Variants in SLC26A8 observed in about 807,000 individuals in gnomAD.
SLC26A8 encodes the protein solute carrier family 26 member 8.
In SLC26A8, 70 loss-of-function variants were observed where a neutral mutation model predicts 105.0. That is an observed-to-expected ratio of 0.67 (90% CI 0.55 to 0.81). The LOEUF (loss-of-function observed/expected upper bound fraction) is 0.81, where lower values mean the gene tolerates loss of function less well. SLC26A8 is among the 40% of genes least tolerant of loss of function. SLC26A8 has a pLI of 0.00. For synonymous variants in SLC26A8, 415 were observed against 438.3 expected (o/e 0.95, Z 0.66); for missense variants, 998 against 1,181.8 (o/e 0.84, Z 2.28).
intron 10 of SLC26A8, among the ~76,000 whole-genome samples, chr6:35,973,851 G>C (rs1218146646): frequency 6.6e-6 from 1 of 152,224 alleles, no homozygotes; most frequent in African/African-American, 2.4e-5. Flanking sequence ...TTCTGCAGCA[G>C]AAGCTTGTCT....
At chr6:35,964,105 A>G (rs775332902) in intron 11 of SLC26A8, among the ~76,000 whole-genome samples, 3 of 152,182 alleles carry the variant, frequency 2.0e-5, no homozygotes, top group Non-Finnish European at 4.4e-5. Context: ...GCTACTCAGG[A>G]GACTGAGGTA....
chr6:35,945,143 C>G (rs1446533772), intron 19 of SLC26A8, among the ~76,000 whole-genome samples: 1 of 152,170 alleles, frequency 6.6e-6, no homozygotes, highest in Non-Finnish European at 1.5e-5. Flanking sequence ...AGCCACTGTG[C>G]CCAACCTTTA....
At chr6:36,015,785 G>A (rs1043229123) in intron 2 of SLC26A8, among the ~76,000 whole-genome samples, 1 of 151,980 alleles carries the variant, frequency 6.6e-6, no homozygotes, top group Non-Finnish European at 1.5e-5. Flanking sequence ...GCAGAATGCG[G>A]ACAAAGGAGA....
intron 3 of SLC26A8, among the ~76,000 whole-genome samples, chr6:36,001,330 G>A (rs931267522): frequency 1.2e-4 from 19 of 152,132 alleles, no homozygotes; most frequent in South Asian, 1.2e-3. Flanking sequence ...GGGTTTCACC[G>A]TGTTAGCCAG....
intron 7 of SLC26A8, among the ~76,000 whole-genome samples, chr6:35,982,982 A>G (rs1298058440): frequency 6.6e-6 from 1 of 152,220 alleles, no homozygotes; most frequent in African/African-American, 2.4e-5. Flanking sequence ...GCTTATAAAG[A>G]CTGCGTCAAT....
intron 2 of SLC26A8, among the ~76,000 whole-genome samples, chr6:36,017,950 AG>A (rs1762037788): frequency 6.6e-6 from 1 of 152,228 alleles, no homozygotes; most frequent in Non-Finnish European, 1.5e-5. Context: ...AGGAAAATGC[AG>A]AACAAAAGCA....
At chr6:35,962,034 T>C (rs1194093367) in intron 12 of SLC26A8, among the ~76,000 whole-genome samples, 1 of 152,146 alleles carries the variant, frequency 6.6e-6, no homozygotes, top group African/African-American at 2.4e-5. Flanking sequence ...GAGACCAGCC[T>C]GGTCAATATA....
chr6:35,983,487 T>TA (rs1773360576), intron 7 of SLC26A8, among the ~76,000 whole-genome samples: 8 of 152,168 alleles, frequency 5.3e-5, no homozygotes, highest in Admixed American at 4.6e-4. Flanking sequence ...ATTATCAGTA[T>TA]AGTCTACCTG....
At chr6:35,984,319 ATTTTT>A (rs59314649) in intron 7 of SLC26A8, among the ~76,000 whole-genome samples, 1,678 of 116,520 alleles carry the variant, frequency 0.014, 20 homozygotes, top group African/African-American at 0.046. Flanking sequence ...TCTTCTTCTT[ATTTTT>A]TTTTTTTTTT....
intron 10 of SLC26A8, among the ~76,000 whole-genome samples, chr6:35,973,328 A>G (rs924197236): frequency 6.6e-6 from 1 of 152,090 alleles, no homozygotes; most frequent in Non-Finnish European, 1.5e-5. Context: ...ACATAGCCCA[A>G]ATTTCTCTGT....
intron 3 of SLC26A8, among the ~76,000 whole-genome samples, chr6:36,009,353 AAACAACAACAACAAC>A (rs145874408): frequency 2.9e-4 from 43 of 149,368 alleles, no homozygotes; most frequent in Admixed American, 2.9e-3. Flanking sequence ...TGCCTCTCAA[AAACAACAACAACAAC>A]AACAACAACA....
In SLC26A8 at chr6:35,955,254, G is replaced by C; in HGVS notation, c.2130C>G (p.Ile710Met). Residue 710 changes from isoleucine (I) to methionine (M), a missense_variant, in exon 17 of 20, where the codon ATC (isoleucine) becomes ATG (methionine). Coordinates refer to ENST00000490799, the MANE Select transcript of SLC26A8 (RefSeq NM_052961.4). ...VAESQGRRSLIPYSDASLLPS... is the reference protein window; with the variant it reads ...VAESQGRRSLMPYSDASLLPS... ...GCAGTAGAGACGCATCTGAGTAAGGGATGAGTGATCTCCTCCCCTGGCTTT... is the reference window on the plus strand; with the variant it reads ...GCAGTAGAGACGCATCTGAGTAAGGCATGAGTGATCTCCTCCCCTGGCTTT... 6.2e-7 allele frequency: 1 copy of C among 1,614,212 alleles called. No individual in the cohort carries two copies. Among genetic ancestry groups the C allele is most frequent in the Non-Finnish European group, 8.5e-7 (1 of 1,180,036 alleles).
rs1173110720 is a variant in SLC26A8 at position 35,975,559 on chromosome 6, A to G, written c.1174-71T>C. The G allele has an allele frequency of 2.0e-5, 16 of 813,298 alleles. No homozygotes were observed. The South Asian group carries it at 2.3e-4, about 12-fold the overall frequency. The allele number at this position is 813,298 out of a possible 1,614,324, so 50.4% of individuals were successfully genotyped here. A position where few individuals can be genotyped will look rare whatever the true frequency, so the allele number is the denominator to read the frequency against. ...AATGCTGATTTTGAGTTGAAGGCAT[A>G]TGGTTTTTTTTTTTTATATGAAGAT... On this transcript the variant is annotated intron_variant, in intron 9 of 19. Transcript: ENST00000490799.
intron 3 of SLC26A8, among the ~76,000 whole-genome samples, chr6:36,009,504 T>C (rs1761789999): frequency 6.6e-6 from 1 of 152,142 alleles, no homozygotes; most frequent in African/African-American, 2.4e-5. Context: ...CCATGGACTA[T>C]TACTCAAAAA....
intron 19 of SLC26A8, 114 bp downstream of exon 19, chr6:35,951,049 T>G: frequency 9.6e-7 from 1 of 1,041,894 alleles, no homozygotes. Flanking sequence ...TTCCTGGACA[T>G]TATTCCTCTA....
intron 3 of SLC26A8, among the ~76,000 whole-genome samples, chr6:36,011,630 C>T (rs553324501): frequency 2.8e-3 from 419 of 152,116 alleles, no homozygotes; most frequent in African/African-American, 8.9e-3. Flanking sequence ...TTTTCTGAGA[C>T]AGGGTCTTGC....
chr6:36,004,814 AGTT>A (rs1761637997), intron 3 of SLC26A8, among the ~76,000 whole-genome samples: 1 of 143,130 alleles, frequency 7.0e-6, no homozygotes, highest in Non-Finnish European at 1.5e-5. Context: ...CACCACACCT[AGTT>A]AAATTTTTTT....
Position 35,983,554 on chromosome 6 carries a change from C to CT in SLC26A8, c.943-1352dup, listed in dbSNP as rs879555986. Among the ~76,000 whole-genome samples, 577 of 143,604 alleles carry CT rather than the reference C, an allele frequency of 4.0e-3. 3 individuals are homozygous for CT. The highest frequency in any genetic ancestry group is 7.1e-3 in the African/African-American group (279 of 39,484). 94.2% of individuals were successfully genotyped at this position (143,604 alleles called of 152,430 possible). ...AATATTGAGTCTGCTCTTTTGCTCT[C>CT]TTTTTTTTTTTTTTGAAATGAAGTT... is the stretch of plus-strand genomic sequence containing the variant. On this transcript the variant is annotated intron_variant, in intron 7 of 19. Transcript: ENST00000490799.
chr6:35,951,707 T>C (rs916644039), intron 17 of SLC26A8, among the ~76,000 whole-genome samples: 6 of 152,116 alleles, frequency 3.9e-5, no homozygotes, highest in African/African-American at 1.4e-4. Flanking sequence ...GCCTCCCAAG[T>C]AGCTGAGACT....
Sources: gnomAD v4.1 joint callset for allele counts (sites outside exome capture counted in the v4.1 genomes callset) on GRCh38, gnomAD v4.1.1 for gene constraint, MANE v1.5 for transcripts, NCBI Gene and HGNC (gene_info 2026-07-23, HGNC 2026-07-21) for gene names.